DDX24: variants seen among roughly 807,000 people sequenced by gnomAD.
DDX24 encodes DEAD-box helicase 24.
DDX24 carries 24 observed loss-of-function variants against 68.9 expected under a neutral mutation model. That is an observed-to-expected ratio of 0.35 (90% CI 0.25 to 0.49). DDX24 has a LOEUF of 0.49. Ranked by LOEUF, DDX24 falls within the 20% of genes least tolerant of loss-of-function variation. The probability of loss-of-function intolerance (pLI) is 0.99; values close to 1 mark genes in which losing one functional copy is unlikely to be tolerated. For missense variants in DDX24, 989 were observed against 1,039.0 expected (o/e 0.95, Z 0.66); for synonymous variants, 395 against 385.2 (o/e 1.03, Z -0.30).
chr14:94,076,356 A>G (rs572695662), intron 2 of DDX24, among the ~76,000 whole-genome samples: 2 of 152,294 alleles, frequency 1.3e-5, no homozygotes, highest in East Asian at 1.9e-4. Flanking sequence ...CCTCCAGTAC[A>G]TATTATATGA....
intron 2 of DDX24, among the ~76,000 whole-genome samples, chr14:94,070,890 C>T (rs1278876107): frequency 6.6e-6 from 1 of 152,194 alleles, no homozygotes; most frequent in Non-Finnish European, 1.5e-5. Context: ...AACCTAAGAC[C>T]TGAAACTATA....
rs1885353546 is a variant in DDX24 at position 94,049,781 on chromosome 14, G to C, written c.*1410C>G. On this transcript the variant is annotated 3_prime_UTR_variant, in exon 9 of 9. Transcript: ENST00000621632. ...GTGGTGGTGTGTGCCTGTAGTCCCAGCTACTTGGGAGGCTGAGGCGGGAGG... is the reference window on the plus strand; with the variant it reads ...GTGGTGGTGTGTGCCTGTAGTCCCACCTACTTGGGAGGCTGAGGCGGGAGG... 1 of 151,928 alleles carries C rather than the reference G, an allele frequency of 6.6e-6. No homozygotes were observed. Among genetic ancestry groups the C allele is most frequent in the African/African-American group, 2.4e-5 (1 of 41,290 alleles). 9.4% of individuals were successfully genotyped at this position (151,928 alleles called of 1,614,324 possible). A position where few individuals can be genotyped will look rare whatever the true frequency, so the allele number is the denominator to read the frequency against.
chr14:94,052,307 G>A (rs545763827), intron 8 of DDX24, among the ~76,000 whole-genome samples: 1 of 152,334 alleles, frequency 6.6e-6, no homozygotes, highest in South Asian at 2.1e-4. Context: ...GCCTCAGCCT[G>A]TGGTCACATA....
intron 3 of DDX24, among the ~76,000 whole-genome samples, chr14:94,061,367 G>A (rs904480714): frequency 1.3e-5 from 2 of 152,098 alleles, no homozygotes; most frequent in Non-Finnish European, 2.9e-5. Context: ...CTGGGAAAAC[G>A]GAGCACTGGG....
Position 94,053,024 on chromosome 14 carries a change from A to G in DDX24, c.2282T>C (p.Ile761Thr). 2 of 1,614,050 alleles carry G rather than the reference A, an allele frequency of 1.2e-6. No individual in the cohort carries two copies. The highest frequency in any genetic ancestry group is 1.7e-6 in the Non-Finnish European group (2 of 1,179,944). ...CTTATACATGTCTTCTTCCAGCTCA[A>G]TCTCCAGGGCAGCTGCTGCCTGCTC... ...WIEQAAAALE[I>T]ELEEDMYKGG... Residue 761 changes from isoleucine (I) to threonine (T), a missense_variant, in exon 8 of 9, where the codon ATT becomes ACT. Coordinates refer to ENST00000621632, the MANE Select transcript of DDX24 (RefSeq NM_020414.4).
At chr14:94,078,855 T>C in intron 2 of DDX24, 170 bp downstream of exon 2, 2 of 689,070 alleles carry the variant, frequency 2.9e-6, no homozygotes, top group Non-Finnish European at 4.9e-6. Flanking sequence ...TAGGATACCA[T>C]TCAAGAAGAG....
At position 94,051,453 on chromosome 14, in the gene DDX24, G is replaced by A; in HGVS notation, c.2318C>T (p.Ala773Val). Residue 773 changes from alanine to valine, a missense_variant, in exon 9 of 9, where the codon GCT becomes GTT. Around this residue, in one of 3 missense-constraint regions of DDX24, gnomAD observed 691 missense variants for 760.0 expected, o/e 0.91. Transcript: ENST00000621632. ...LEEDMYKGGK[A>V]DQQEERRRQK... ...TCTCCGACGTTCTTCTTGCTGGTCAGCTTTTCCTCCTTGAAACACAATACA... is the reference window on the plus strand; with the variant it reads ...TCTCCGACGTTCTTCTTGCTGGTCAACTTTTCCTCCTTGAAACACAATACA... 2 of 1,549,324 alleles carry A rather than the reference G, an allele frequency of 1.3e-6. No homozygotes were observed. The highest frequency in any genetic ancestry group is 2.1e-5 in the Admixed American group (1 of 47,100).
At chr14:94,063,816 T>C (rs1381966734) in intron 2 of DDX24, among the ~76,000 whole-genome samples, 1 of 152,312 alleles carries the variant, frequency 6.6e-6, no homozygotes. Context: ...GGCAGGAGGA[T>C]TGCTTGAGCA....
Position 94,081,193 on chromosome 14 carries a change from A to T in DDX24, c.-80T>A, listed in dbSNP as rs1198155799. ...GAAACCGCCGCTGTACCTCAGCTGC[A>T]GCAGCAACTGCAGTTCCGGGGCGGG... On this transcript the variant is annotated 5_prime_UTR_variant, in exon 1 of 9. Coordinates refer to ENST00000621632, the MANE Select transcript of DDX24 (RefSeq NM_020414.4). 6.6e-6 allele frequency: 1 copy of T among 152,308 alleles called. No homozygotes were observed. The allele number at this position is 152,308 out of a possible 1,614,324, so 9.4% of individuals were successfully genotyped here.
At chr14:94,053,387 T>TTC in intron 7 of DDX24, 1 of 329,776 alleles carries the variant, frequency 3.0e-6, no homozygotes, top group Non-Finnish European at 5.2e-6. Flanking sequence ...TTTTTTTTTT[T>TTC]CGTAAAGACA....
chr14:94,053,444 A>G (rs1885431332), intron 7 of DDX24: 4 of 231,508 alleles, frequency 1.7e-5, no homozygotes, highest in South Asian at 6.3e-5. Flanking sequence ...CCTGTGCTCA[A>G]GCAATCTTTC....
chr14:94,058,285 T>C (rs1304578477), intron 5 of DDX24, among the ~76,000 whole-genome samples: 1 of 152,218 alleles, frequency 6.6e-6, no homozygotes, highest in African/African-American at 2.4e-5. Context: ...AAACCAAGCA[T>C]GCTCTCACCT....
intron 2 of DDX24, among the ~76,000 whole-genome samples, chr14:94,065,151 C>G (rs956714400): frequency 1.3e-5 from 2 of 151,704 alleles, no homozygotes; most frequent in Non-Finnish European, 2.9e-5. Context: ...CAGGTTCAAG[C>G]GATTCTCCTG....
At position 94,050,560 on chromosome 14, in the gene DDX24, C is replaced by T. The variant is rs763257331; in HGVS notation, c.*631G>A. 6.6e-6 allele frequency: 1 copy of T among 152,284 alleles called. No homozygotes were observed. Among genetic ancestry groups the T allele is most frequent in the Admixed American group, 6.5e-5 (1 of 15,278 alleles). 9.4% of individuals were successfully genotyped at this position (152,284 alleles called of 1,614,324 possible). On this transcript the variant is annotated 3_prime_UTR_variant, in exon 9 of 9. Transcript: ENST00000621632. Reference sequence around the variant, plus strand: ...GATCCTGAGGGCTTCACACGCCAGACCTAGCGACTGTTACTGTTGGCTCTG... The same window carrying T: ...GATCCTGAGGGCTTCACACGCCAGATCTAGCGACTGTTACTGTTGGCTCTG...
intron 2 of DDX24, among the ~76,000 whole-genome samples, chr14:94,065,408 T>A (rs1031109285): frequency 1.4e-5 from 1 of 71,404 alleles, no homozygotes. Context: ...CACACACAAA[T>A]TCAGTGCCAA....
rs948036711 is a variant in DDX24, at chr14:94,076,570, A to G, written c.718+2455T>C. Among the ~76,000 whole-genome samples the G allele has an allele frequency of 1.1e-4, 16 of 151,450 alleles. No individual in the cohort carries two copies. The East Asian group carries it at 2.7e-3, about 26-fold the overall frequency. On this transcript the variant is annotated intron_variant, in intron 2 of 8. Coordinates refer to ENST00000621632, the MANE Select transcript of DDX24 (RefSeq NM_020414.4). ...GTGGCAAGTGCCTGTAATCCCAGCT[A>G]TTCGGGAAGCTGAGGCAGGAGAATC...
At chr14:94,072,065 A>C (rs1160536602) in intron 2 of DDX24, among the ~76,000 whole-genome samples, 2 of 152,236 alleles carry the variant, frequency 1.3e-5, no homozygotes. Context: ...AAGAACTAAA[A>C]GTAGAACTAC....
chr14:94,068,933 C>CT (rs959046917), intron 2 of DDX24, among the ~76,000 whole-genome samples: 2 of 152,080 alleles, frequency 1.3e-5, no homozygotes, highest in Admixed American at 6.5e-5. Context: ...AACAGACAAT[C>CT]TAAGGTCACA....
rs1335129924 is a variant in DDX24, at chr14:94,079,033, G to A, written c.710C>T (p.Ala237Val). The change falls in exon 2 of 9, where the codon GCT becomes GTT. Residue 237 changes from alanine to valine, a missense_variant. By Grantham distance (64) the Ala-to-Val change is moderately conservative. Around this residue, in one of 3 missense-constraint regions of DDX24, gnomAD observed 3 missense variants for 16.0 expected, o/e 0.19. Coordinates refer to ENST00000621632, the MANE Select transcript of DDX24 (RefSeq NM_020414.4). ...GCCAGAGTTGCCCTTACCTGTCTCAGCAGCCCCAAGGATGTCCAGTTTGTC... is the reference window on the plus strand; with the variant it reads ...GCCAGAGTTGCCCTTACCTGTCTCAACAGCCCCAAGGATGTCCAGTTTGTC... The part of the protein sequence containing the change: ...IRDKLDILGA[A>V]ETGSGKTLAF... 2 of 1,612,396 alleles carry A rather than the reference G, an allele frequency of 1.2e-6. No individual in the cohort carries two copies. Among genetic ancestry groups the A allele is most frequent in the African/African-American group, 2.7e-5 (2 of 74,886 alleles).
Sources: allele counts gnomAD v4.1 joint callset (sites outside exome capture counted in the v4.1 genomes callset), GRCh38; gene constraint gnomAD v4.1.1; regional missense constraint gnomAD v4.1.1; transcripts MANE v1.5; gene names NCBI Gene and HGNC (gene_info 2026-07-23, HGNC 2026-07-21).